Variants in GNB1 observed in about 807,000 individuals in gnomAD.
GNB1 encodes the protein G protein subunit beta 1.
A neutral mutation model predicts 42.9 loss-of-function variants in GNB1; 2 were observed. That is an observed-to-expected ratio of 0.05 (90% CI 0.02 to 0.15). The LOEUF (loss-of-function observed/expected upper bound fraction) is 0.15, where lower values mean the gene tolerates loss of function less well. GNB1 is among the 10% of genes least tolerant of loss of function. The pLI, the probability that GNB1 is intolerant of heterozygous loss-of-function variation, is 1.00. For missense variants in GNB1, 193 were observed against 462.2 expected (o/e 0.42, Z 5.34); for synonymous variants, 183 against 174.7 (o/e 1.05, Z -0.38).
chr1:1,854,942 C>T (rs1332458364), intron 1 of GNB1, among the ~76,000 whole-genome samples: 4 of 151,836 alleles, frequency 2.6e-5, no homozygotes, highest in Non-Finnish European at 4.4e-5. Context: ...AGGTGGATCA[C>T]GAGGTCAGGA....
At chr1:1,827,804 GA>G (rs1228598284) in intron 2 of GNB1, among the ~76,000 whole-genome samples, 2 of 152,130 alleles carry the variant, frequency 1.3e-5, no homozygotes, top group Non-Finnish European at 2.9e-5. Context: ...GCATAATAGA[GA>G]ATTGTTCTTA....
intron 5 of GNB1, among the ~76,000 whole-genome samples, chr1:1,813,158 T>G (rs1247104980): frequency 6.7e-6 from 1 of 149,032 alleles, no homozygotes; most frequent in East Asian, 1.9e-4. Flanking sequence ...CATTTTTTCT[T>G]TTTTTTTTTT....
At chr1:1,839,878 G>C (rs1297600622) in intron 1 of GNB1, among the ~76,000 whole-genome samples, 1 of 151,866 alleles carries the variant, frequency 6.6e-6, no homozygotes, top group African/African-American at 2.4e-5. Context: ...CAACAGTCTG[G>C]GCGCGGTGGC....
chr1:1,863,936 C>T (rs536093544), intron 1 of GNB1, among the ~76,000 whole-genome samples: 7 of 152,268 alleles, frequency 4.6e-5, no homozygotes, highest in South Asian at 2.1e-4. Flanking sequence ...CACTGGCTCA[C>T]GCCTGTAATC....
At chr1:1,884,627 C>CA (rs1650044700) in intron 1 of GNB1, among the ~76,000 whole-genome samples, 1 of 152,098 alleles carries the variant, frequency 6.6e-6, no homozygotes, top group Non-Finnish European at 1.5e-5. Context: ...TGCATGGAGA[C>CA]ATGATTACCC....
At chr1:1,883,061 C>G (rs1163862778) in intron 1 of GNB1, among the ~76,000 whole-genome samples, 1 of 151,812 alleles carries the variant, frequency 6.6e-6, no homozygotes, top group Non-Finnish European at 1.5e-5. Flanking sequence ...GAGGCTAAGG[C>G]AGGAGGATCA....
At chr1:1,878,430 C>T (rs1003073239) in intron 1 of GNB1, among the ~76,000 whole-genome samples, 6 of 152,186 alleles carry the variant, frequency 3.9e-5, no homozygotes, top group African/African-American at 1.4e-4. Context: ...AGTCCAAGCA[C>T]AGCCCTGACT....
At chr1:1,874,441 T>G (rs1490473252) in intron 1 of GNB1, among the ~76,000 whole-genome samples, 1 of 151,628 alleles carries the variant, frequency 6.6e-6, no homozygotes, top group Non-Finnish European at 1.5e-5. Context: ...AAACCCCGTC[T>G]CTACCAAAGT....
intron 2 of GNB1, among the ~76,000 whole-genome samples, chr1:1,836,268 G>C (rs1647148261): frequency 6.6e-6 from 1 of 152,000 alleles, no homozygotes; most frequent in Non-Finnish European, 1.5e-5. Flanking sequence ...GTCTCCATCT[G>C]CATCTCGCTG....
intron 1 of GNB1, among the ~76,000 whole-genome samples, chr1:1,888,840 A>C (rs1348636275): frequency 6.6e-6 from 1 of 152,156 alleles, no homozygotes; most frequent in African/African-American, 2.4e-5. Context: ...ACTCCATCTC[A>C]AAAAGTAAAG....
At chr1:1,807,316 T>C (rs1032205357) in intron 5 of GNB1, among the ~76,000 whole-genome samples, 6 of 150,998 alleles carry the variant, frequency 4.0e-5, no homozygotes, top group Admixed American at 6.6e-5. Context: ...CACAAAAAAA[T>C]AGCTGGGTAT....
chr1:1,847,271 T>C (rs1236438264), intron 1 of GNB1, among the ~76,000 whole-genome samples: 19 of 149,322 alleles, frequency 1.3e-4, no homozygotes, highest in Admixed American at 1.3e-3. Flanking sequence ...TGCCAGTCTC[T>C]TGGTTGTGGA....
intron 1 of GNB1, among the ~76,000 whole-genome samples, chr1:1,878,591 C>A (rs1187658230): frequency 6.6e-6 from 1 of 152,150 alleles, no homozygotes; most frequent in Non-Finnish European, 1.5e-5. Context: ...ACTCGTCCGC[C>A]ATCTTTTTCA....
chr1:1,842,196 C>T (rs946742696), intron 1 of GNB1, among the ~76,000 whole-genome samples: 3 of 152,148 alleles, frequency 2.0e-5, no homozygotes, highest in Non-Finnish European at 2.9e-5. Flanking sequence ...TCTGGGAGGC[C>T]AAGGCGGGCA....
intron 5 of GNB1, among the ~76,000 whole-genome samples, chr1:1,810,644 T>C (rs985711899): frequency 3.3e-5 from 5 of 151,842 alleles, no homozygotes; most frequent in African/African-American, 7.3e-5. Flanking sequence ...CAAGTAATCA[T>C]TGTGGGCCTT....
intron 6 of GNB1, 110 bp downstream of exon 6, chr1:1,806,365 C>T (rs1202972766): frequency 7.6e-6 from 5 of 659,066 alleles, no homozygotes; most frequent in Admixed American, 5.1e-5. Context: ...CAGAGCTTGC[C>T]GCTGCTGCCT....
At chr1:1,823,776 G>A (rs1179215527) in intron 3 of GNB1, among the ~76,000 whole-genome samples, 1 of 152,126 alleles carries the variant, frequency 6.6e-6, no homozygotes, top group Non-Finnish European at 1.5e-5. Flanking sequence ...AAATCCTGGT[G>A]GGCTTTCTAA....
intron 3 of GNB1, among the ~76,000 whole-genome samples, chr1:1,822,410 T>C (rs1024196280): frequency 2.4e-4 from 37 of 151,722 alleles, no homozygotes; most frequent in African/African-American, 7.7e-4. Context: ...TTCACGCCAT[T>C]CCCTGCCTCA....
In GNB1 at chr1:1,817,846, A is replaced by T. The variant is rs140193175; in HGVS notation, c.87T>A (p.Thr29=). ...CTCAGTGGGCTCTTACCTGAGAGAG[A>T]GTTGCATCTGCACATGCTTTCCTGG... ...RDARKACADA[T]LSQITNNIDP... is the part of the protein sequence containing the mutation. Residue 29 remains threonine (T), a synonymous_variant, in exon 4 of 12, where the codon ACT becomes ACA. Coordinates refer to ENST00000378609, the MANE Select transcript of GNB1 (RefSeq NM_002074.5). 2 of 1,611,830 alleles carry T rather than the reference A, an allele frequency of 1.2e-6. No homozygotes were observed. Among genetic ancestry groups the T allele is most frequent in the African/African-American group, 1.3e-5 (1 of 74,876 alleles).
Sources: gnomAD v4.1 joint callset for allele counts (sites outside exome capture counted in the v4.1 genomes callset) on GRCh38, gnomAD v4.1.1 for gene constraint, MANE v1.5 for transcripts, NCBI Gene and HGNC (gene_info 2026-07-23, HGNC 2026-07-21) for gene names.